UNC13B: variants seen among roughly 807,000 people sequenced by gnomAD.
UNC13B encodes protein unc-13 homolog B.
A neutral mutation model predicts 211.0 loss-of-function variants in UNC13B; 144 were observed. The ratio of observed to expected loss-of-function variants is 0.68; its 90% confidence interval spans 0.60 to 0.78. UNC13B has a LOEUF of 0.78. UNC13B is among the 30% of genes least tolerant of loss of function. The pLI is 0.00. For missense variants in UNC13B, 1,777 were observed against 2,002.0 expected, an observed-to-expected ratio of 0.89 and a Z score of 2.14; for synonymous variants, 709 against 725.8, an observed-to-expected ratio of 0.98 and a Z score of 0.37.
chr9:35,395,677 A>T (rs1835823832), intron 26 of UNC13B, among the ~76,000 whole-genome samples: 1 of 152,188 alleles, frequency 6.6e-6, no homozygotes, highest in Non-Finnish European at 1.5e-5. Context: ...AAGAGAACCT[A>T]TGGGTGTGGC....
intron 11 of UNC13B, among the ~76,000 whole-genome samples, chr9:35,334,250 G>T (rs1274369347): frequency 6.6e-6 from 1 of 152,216 alleles, no homozygotes; most frequent in Non-Finnish European, 1.5e-5. Flanking sequence ...GCAGGCGTGA[G>T]CCACTGCACC....
rs535893823 is a variant in UNC13B, at chr9:35,295,019, C to T, written c.527-677C>T. 8.5e-5 allele frequency among the ~76,000 whole-genome samples: 13 copies of T among 152,302 alleles called. 1 individual carries two copies. Among genetic ancestry groups the T allele is most frequent in the South Asian group, 8.3e-4 (4 of 4,824 alleles). The stretch of plus-strand genomic sequence containing the variant: ...AAGTTTTTTCTTCTCTCAGCCCATC[C>T]TCTGGATGGGAATTCTGAGCCTAGG... On this transcript the variant is annotated intron_variant, in intron 7 of 39. Coordinates refer to ENST00000635942, the MANE Select transcript of UNC13B (RefSeq NM_001371189.2).
chr9:35,306,216 T>C lies in UNC13B; in HGVS notation c.6812T>C (p.Ile2271Thr), dbSNP rs1829915602. ...AGTTCCAGTGGTCATAGAGATAGCA[T>C]AGCCCAAGAAGTAGTTCATGAACAG... ...RESSSGHRDS[I>T]AQEVVHEQQM... The change falls in exon 9 of 40, where the codon ATA (isoleucine) becomes ACA (threonine). Residue 2271 changes from isoleucine (I) to threonine (T), a missense_variant. By Grantham distance (89) the Ile-to-Thr change is moderately conservative. Transcript: ENST00000635942. 1.0e-5 allele frequency: 4 copies of C among 398,916 alleles called. No homozygotes were observed. Among genetic ancestry groups the C allele is most frequent in the Non-Finnish European group, 1.8e-5 (4 of 226,066 alleles). The allele number at this position is 398,916 out of a possible 1,614,324, so 24.7% of individuals were successfully genotyped here.
intron 11 of UNC13B, among the ~76,000 whole-genome samples, chr9:35,326,030 A>G (rs2131936045): frequency 6.6e-6 from 1 of 152,318 alleles, no homozygotes; most frequent in South Asian, 2.1e-4. Context: ...ACGTTGTTTA[A>G]CATTTTGAGA....
At position 35,375,382 on chromosome 9, in the gene UNC13B, C is replaced by G. The variant is rs141193210; in HGVS notation, c.9615+181C>G. ...ACACTGGGAAAGACTCTAAGCAAGT[C>G]TAGATCAGAGAGTAAGCCCAAGTCT... is the stretch of plus-strand genomic sequence containing the variant. On this transcript the variant is annotated intron_variant, in intron 14 of 39. Transcript: ENST00000635942. Among the ~76,000 whole-genome samples the G allele has an allele frequency of 3.2e-4, 48 of 152,320 alleles. No homozygotes were observed. In the East Asian group the frequency reaches 9.1e-3, roughly 29 times the overall value.
intron 3 of UNC13B, among the ~76,000 whole-genome samples, chr9:35,234,292 A>T (rs116662674): frequency 0.02 from 3,094 of 151,574 alleles, 108 homozygotes; most frequent in African/African-American, 0.072. Flanking sequence ...ATTAAAAAAA[A>T]TTTTTCTGGG....
At chr9:35,375,885 C>T in intron 14 of UNC13B, 143 bp from the exon 15 acceptor site, 1 of 755,198 alleles carries the variant, frequency 1.3e-6, no homozygotes, top group East Asian at 2.6e-5. Context: ...GGGGCCAAGG[C>T]AGGAGAATTG....
At chr9:35,394,556 A>G (rs910416102) in intron 26 of UNC13B, among the ~76,000 whole-genome samples, 8 of 152,234 alleles carry the variant, frequency 5.3e-5, no homozygotes, top group Admixed American at 6.5e-5. Flanking sequence ...AGATAGCACC[A>G]CTGCACTCCA....
chr9:35,162,345 G>A (rs1324618329), intron 1 of UNC13B, 40 bp downstream of exon 1: 3 of 1,521,254 alleles, frequency 2.0e-6, no homozygotes, highest in Non-Finnish European at 2.6e-6. Flanking sequence ...GGGTGTCGGC[G>A]TAGAGGTCCC....
chr9:35,332,509 C>T (rs994359080), intron 11 of UNC13B, among the ~76,000 whole-genome samples: 3 of 152,108 alleles, frequency 2.0e-5, no homozygotes, highest in African/African-American at 7.2e-5. Context: ...GATCATTTGC[C>T]AGCTCTTGCT....
At chr9:35,166,870 T>TAG (rs1245766428) in intron 1 of UNC13B, among the ~76,000 whole-genome samples, 5 of 152,188 alleles carry the variant, frequency 3.3e-5, no homozygotes, top group Non-Finnish European at 1.5e-5. Flanking sequence ...TGAATGTACA[T>TAG]AGCATTCTTC....
intron 7 of UNC13B, among the ~76,000 whole-genome samples, chr9:35,275,282 G>T (rs1424667135): frequency 2.6e-5 from 4 of 152,108 alleles, no homozygotes; most frequent in Non-Finnish European, 5.9e-5. Context: ...AAATCTCATG[G>T]GATATAATTT....
At chr9:35,353,818 G>A (rs1832864400) in intron 11 of UNC13B, 1 of 1,230,492 alleles carries the variant, frequency 8.1e-7, no homozygotes, top group African/African-American at 1.6e-5. Flanking sequence ...CAGGTATTCT[G>A]AGTCACTATT....
chr9:35,289,087 A>G lies in UNC13B; in HGVS notation c.527-6609A>G, dbSNP rs367572742. ...TTTTAAAATGGCACACTAAGCCAAC[A>G]TATCCTTTCTGAGAGGTGAGAAGAA... is the stretch of plus-strand genomic sequence containing the variant. On this transcript the variant is annotated intron_variant, in intron 7 of 39. Coordinates refer to ENST00000635942, the MANE Select transcript of UNC13B (RefSeq NM_001371189.2). 2.1e-3 allele frequency among the ~76,000 whole-genome samples: 319 copies of G among 152,248 alleles called. 2 individuals carry two copies. The highest frequency in any genetic ancestry group is 7.5e-3 in the African/African-American group (313 of 41,538).
intron 26 of UNC13B, among the ~76,000 whole-genome samples, chr9:35,393,094 T>C (rs1835643594): frequency 1.3e-5 from 2 of 152,176 alleles, no homozygotes; most frequent in Admixed American, 6.5e-5. Flanking sequence ...GTGCTGGTTA[T>C]TGGAACCCAA....
intron 1 of UNC13B, among the ~76,000 whole-genome samples, chr9:35,193,919 G>A (rs972801052): frequency 1.3e-5 from 2 of 152,136 alleles, no homozygotes; most frequent in Non-Finnish European, 2.9e-5. Flanking sequence ...TCACTAGATG[G>A]TGCTGTTGAC....
intron 1 of UNC13B, among the ~76,000 whole-genome samples, chr9:35,202,419 T>C (rs950572920): frequency 3.3e-5 from 5 of 152,220 alleles, no homozygotes; most frequent in African/African-American, 1.2e-4. Context: ...ACTTTCTGTC[T>C]CATTGAGCTG....
intron 11 of UNC13B, among the ~76,000 whole-genome samples, chr9:35,357,862 G>A (rs911107648): frequency 2.6e-5 from 4 of 151,988 alleles, no homozygotes; most frequent in South Asian, 4.1e-4. Context: ...AAGTACATTC[G>A]TATTGTTCTG....
intron 1 of UNC13B, among the ~76,000 whole-genome samples, chr9:35,176,914 A>G (rs1821667057): frequency 6.6e-6 from 1 of 152,156 alleles, no homozygotes; most frequent in African/African-American, 2.4e-5. Context: ...AGGAAATAGT[A>G]TGTGCAAAGG....
Sources: allele counts gnomAD v4.1 joint callset (sites outside exome capture counted in the v4.1 genomes callset), GRCh38; gene constraint gnomAD v4.1.1; transcripts MANE v1.5; gene names NCBI Gene and HGNC (gene_info 2026-07-23, HGNC 2026-07-21).